CRISPLD2: variants seen among roughly 807,000 people sequenced by gnomAD.
CRISPLD2 encodes cysteine-rich secretory protein LCCL domain-containing 2.
In CRISPLD2, 47 loss-of-function variants were observed where a neutral mutation model predicts 71.1. The ratio of observed to expected loss-of-function variants is 0.66; its 90% CI spans 0.52 to 0.84. CRISPLD2 has a LOEUF of 0.84. CRISPLD2 is among the 40% of genes least tolerant of loss of function. The pLI is 0.00. For missense variants in CRISPLD2, 830 were observed against 651.1 expected (o/e 1.27, Z -2.99); for synonymous variants, 317 against 250.1 (o/e 1.27, Z -2.52).
intron 5 of CRISPLD2, among the ~76,000 whole-genome samples, chr16:84,854,317 C>G (rs1312450443): frequency 6.6e-6 from 1 of 152,160 alleles, no homozygotes; most frequent in Non-Finnish European, 1.5e-5. Flanking sequence ...CTGGGAAACG[C>G]AAGCCGTCTC....
chr16:84,838,494 C>A lies in CRISPLD2; in HGVS notation c.-2C>A, dbSNP rs1487992021. 1.9e-6 allele frequency: 3 copies of A among 1,612,602 alleles called. No homozygotes were observed. The African/African-American group carries it at 4.0e-5, about 22-fold the overall frequency. On this transcript the variant is annotated 5_prime_UTR_variant, in exon 2 of 15. Transcript: ENST00000262424. ...TCCCATAGTTGCTGCAGGAGTGGAG[C>A]CATGAGCTGCGTCCTGGGTGGTGTC...
rs1280066478 is a variant in CRISPLD2 at position 84,854,837 on chromosome 16, A to G, written c.709+8A>G. On this transcript the variant is annotated splice_region_variant and intron_variant, in intron 6 of 14. Coordinates refer to ENST00000262424, the MANE Select transcript of CRISPLD2 (RefSeq NM_031476.4). ...ACAACTTGTGTTACCGAGGTAGGAA[A>G]TTTACTCCCAACACTTTTGCAATGA... The G allele has an allele frequency of 1.9e-6, 3 of 1,603,560 alleles. No individual in the cohort carries two copies. The South Asian group carries it at 3.3e-5, about 18-fold the overall frequency.
intron 13 of CRISPLD2, among the ~76,000 whole-genome samples, chr16:84,886,294 C>G (rs2071612600): frequency 6.6e-6 from 1 of 152,184 alleles, no homozygotes; most frequent in African/African-American, 2.4e-5. Flanking sequence ...GTGCATTTTC[C>G]AGACAAACTG....
intron 6 of CRISPLD2, among the ~76,000 whole-genome samples, chr16:84,864,364 C>T (rs1031554648): frequency 2.6e-5 from 4 of 152,190 alleles, no homozygotes; most frequent in African/African-American, 7.2e-5. Flanking sequence ...ATGCTTTAGA[C>T]CGCTTTACCA....
intron 14 of CRISPLD2, among the ~76,000 whole-genome samples, chr16:84,906,219 A>T (rs2071801082): frequency 6.6e-6 from 1 of 151,886 alleles, no homozygotes; most frequent in Admixed American, 6.6e-5. Context: ...CTGAGATAGC[A>T]CCTGTTCATC....
At chr16:84,843,963 G>T (rs1313048966) in intron 2 of CRISPLD2, among the ~76,000 whole-genome samples, 1 of 152,220 alleles carries the variant, frequency 6.6e-6, no homozygotes, top group Admixed American at 6.5e-5. Context: ...ACTCCCTGCT[G>T]GGGGGTCCCA....
chr16:84,897,268 A>G (rs1045525874), intron 14 of CRISPLD2, among the ~76,000 whole-genome samples: 1 of 147,706 alleles, frequency 6.8e-6, no homozygotes, highest in African/African-American at 2.5e-5. Context: ...ACAGGGTGTA[A>G]TCCCATCTCT....
At chr16:84,879,720 TCCTC>T (rs1217581716) in intron 12 of CRISPLD2, among the ~76,000 whole-genome samples, 18 of 151,924 alleles carry the variant, frequency 1.2e-4, no homozygotes, top group Admixed American at 9.8e-4. Flanking sequence ...TCATTTCCCT[TCCTC>T]CCAGCCCCTA....
intron 14 of CRISPLD2, among the ~76,000 whole-genome samples, chr16:84,896,627 G>C (rs112909747): frequency 8.7e-4 from 132 of 152,210 alleles, no homozygotes; most frequent in African/African-American, 2.4e-3. Context: ...GCACACGGAA[G>C]GTAGGCGAGG....
At chr16:84,872,542 T>C (rs376224145) in intron 9 of CRISPLD2, 34 bp downstream of exon 9, 107 of 1,552,772 alleles carry the variant, frequency 6.9e-5, no homozygotes, top group Non-Finnish European at 1.9e-5. Flanking sequence ...CAATGGCTTG[T>C]GTGGGATCCT....
At chr16:84,870,052 A>G (rs2071452413) in intron 8 of CRISPLD2, among the ~76,000 whole-genome samples, 1 of 152,142 alleles carries the variant, frequency 6.6e-6, no homozygotes, top group South Asian at 2.1e-4. Context: ...GAGCATCCTC[A>G]TTCTCTCTGT....
At chr16:84,904,610 A>T (rs543672055) in intron 14 of CRISPLD2, among the ~76,000 whole-genome samples, 2,563 of 148,872 alleles carry the variant, frequency 0.017, 75 homozygotes, top group African/African-American at 0.062. Context: ...AAAAATTTAA[A>T]AAAAAAATTA....
intron 2 of CRISPLD2, chr16:84,839,138 C>T (rs1406913339): frequency 5.5e-6 from 2 of 362,396 alleles, no homozygotes; most frequent in African/African-American, 4.3e-5. Flanking sequence ...CCTCCTGCCT[C>T]AGCCTCTCAA....
At chr16:84,899,815 G>T (rs1408590447) in intron 14 of CRISPLD2, among the ~76,000 whole-genome samples, 1 of 152,132 alleles carries the variant, frequency 6.6e-6, no homozygotes, top group African/African-American at 2.4e-5. Context: ...GGGGCCCTGA[G>T]AACATGAGAA....
In CRISPLD2 at chr16:84,854,030, C is replaced by G. The variant is rs552859083; in HGVS notation, c.609-699C>G. ...TCCAGTTTTCCTGCCCCTGGGAACT[C>G]CGGAGGGAGGCAGAGGGCAACTGTG... On this transcript the variant is annotated intron_variant, in intron 5 of 14. Coordinates refer to ENST00000262424, the MANE Select transcript of CRISPLD2 (RefSeq NM_031476.4). Among the ~76,000 whole-genome samples the G allele has an allele frequency of 2.0e-5, 3 of 152,314 alleles. No homozygotes were observed. The South Asian group carries it at 6.2e-4, about 32-fold the overall frequency.
At chr16:84,852,512 G>A (rs1236915059) in intron 5 of CRISPLD2, among the ~76,000 whole-genome samples, 3 of 152,216 alleles carry the variant, frequency 2.0e-5, no homozygotes, top group Admixed American at 6.5e-5. Flanking sequence ...GTGGTGTTGC[G>A]TGATCACCGG....
At chr16:84,873,185 A>G in intron 10 of CRISPLD2, 63 bp downstream of exon 10, 2 of 1,562,398 alleles carry the variant, frequency 1.3e-6, no homozygotes, top group Non-Finnish European at 1.7e-6. Context: ...TGTTGTTGAA[A>G]TTTTGAAAAA....
At chr16:84,847,523 C>T (rs1195966465) in intron 3 of CRISPLD2, among the ~76,000 whole-genome samples, 5 of 151,944 alleles carry the variant, frequency 3.3e-5, no homozygotes, top group Non-Finnish European at 7.4e-5. Flanking sequence ...TGGTGGCAGG[C>T]GCCTGTCATC....
intron 8 of CRISPLD2, among the ~76,000 whole-genome samples, chr16:84,870,221 ATG>A (rs1251013314): frequency 2.0e-5 from 3 of 152,212 alleles, no homozygotes; most frequent in Admixed American, 1.3e-4. Context: ...AAAGAAAAAA[ATG>A]TGTTCCAAAA....
Sources: gnomAD v4.1 joint callset for allele counts (sites outside exome capture counted in the v4.1 genomes callset) on GRCh38, gnomAD v4.1.1 for gene constraint, MANE v1.5 for transcripts, NCBI Gene and HGNC (gene_info 2026-07-23, HGNC 2026-07-21) for gene names.